The following IQCH variants were observed in gnomAD, a reference collection of about 807,000 sequenced individuals.
IQCH encodes the protein IQ domain-containing protein H.
In IQCH, 98 loss-of-function variants were observed where a neutral mutation model predicts 117.0. That is an observed-to-expected ratio of 0.84 (90% CI 0.71 to 0.99). The LOEUF (loss-of-function observed/expected upper bound fraction) is 0.99, where lower values mean the gene tolerates loss of function less well. IQCH is among the 50% of genes least tolerant of loss of function. The pLI is 0.00. For missense variants in IQCH, 1,102 were observed against 1,243.8 expected, an observed-to-expected ratio of 0.89 and a Z score of 1.72; for synonymous variants, 412 against 448.2, an observed-to-expected ratio of 0.92 and a Z score of 1.02.
chr15:67,446,339 C>G (rs2082390464), intron 16 of IQCH, among the ~76,000 whole-genome samples: 1 of 152,124 alleles, frequency 6.6e-6, no homozygotes, highest in African/African-American at 2.4e-5. Flanking sequence ...TCTGCCATGA[C>G]TCAATAGCAT....
At chr15:67,477,044 C>CTTTTTTTTTTT (rs71455553) in intron 18 of IQCH, among the ~76,000 whole-genome samples, 5 of 71,176 alleles carry the variant, frequency 7.0e-5, no homozygotes, top group East Asian at 4.4e-4. Flanking sequence ...TCTTTTTCTT[C>CTTTTTTTTTTT]TTTTTTTTTT....
intron 4 of IQCH, among the ~76,000 whole-genome samples, chr15:67,320,051 G>A (rs1049411705): frequency 2.0e-5 from 3 of 152,162 alleles, no homozygotes; most frequent in Admixed American, 6.5e-5. Context: ...GTTTGCTTAG[G>A]CATCTCTTCC....
chr15:67,384,111 A>G lies in IQCH; in HGVS notation c.1373-825A>G, dbSNP rs1400732352. On this transcript the variant is annotated intron_variant, in intron 10 of 20. Transcript: ENST00000335894. This position sits in a 1 kb window ranked among gnomAD's most constrained non-coding sequence, Gnocchi z 4.3. The stretch of plus-strand genomic sequence containing the variant: ...ATTGAAGCATCTCTTCAAAATGTGA[A>G]AAGCAATTTTAATGAAGAAAAAAAA... 6.6e-6 allele frequency among the ~76,000 whole-genome samples: 1 copy of G among 152,184 alleles called. No individual in the cohort carries two copies. The highest frequency in any genetic ancestry group is 1.9e-4 in the East Asian group (1 of 5,202).
chr15:67,456,311 T>C lies in IQCH; in HGVS notation c.2506-8816T>C, dbSNP rs909921415. 6.6e-6 allele frequency among the ~76,000 whole-genome samples: 1 copy of C among 152,196 alleles called. No individual in the cohort carries two copies. Among genetic ancestry groups the C allele is most frequent in the Non-Finnish European group, 1.5e-5 (1 of 68,040 alleles). On this transcript the variant is annotated intron_variant, in intron 16 of 20. Transcript: ENST00000335894. The surrounding 1 kb of genome is among the most constrained non-coding windows in gnomAD (Gnocchi z 5.1). ...AGAGAAACTTGGCACTCTGAAGAAA[T>C]TGATCTACTAATGCTGGCAATGAAG... is the stretch of plus-strand genomic sequence containing the variant.
intron 4 of IQCH, among the ~76,000 whole-genome samples, chr15:67,318,126 T>G (rs1392826869): frequency 6.6e-6 from 1 of 152,202 alleles, no homozygotes; most frequent in Non-Finnish European, 1.5e-5. Context: ...CCTCAGTCCC[T>G]CCACCTAGAG....
In IQCH at chr15:67,364,114, T is replaced by TG. The variant is rs1970248123; in HGVS notation, c.753+4229_753+4230insG. On this transcript the variant is annotated intron_variant, in intron 8 of 20. Transcript: ENST00000335894. The surrounding 1 kb of genome is among the most constrained non-coding windows in gnomAD (Gnocchi z 4.1). ...GGTCGAGTGGTAATTCTGTTTTAAGTTCTTTGAGAAGTCACTAAACTGCTT... is the reference window on the plus strand; with the variant it reads ...GGTCGAGTGGTAATTCTGTTTTAAGTGTCTTTGAGAAGTCACTAAACTGCTT... Among the ~76,000 whole-genome samples, 1 of 152,208 alleles carries TG rather than the reference T, an allele frequency of 6.6e-6. No homozygotes were observed. Among genetic ancestry groups the TG allele is most frequent in the Non-Finnish European group, 1.5e-5 (1 of 68,024 alleles).
intron 4 of IQCH, among the ~76,000 whole-genome samples, chr15:67,321,406 A>T (rs559708000): frequency 6.6e-6 from 1 of 151,744 alleles, no homozygotes; most frequent in African/African-American, 2.4e-5. Context: ...TTATGATCCC[A>T]TGTATGCCTT....
Position 67,381,970 on chromosome 15 carries a change from A to G in IQCH, c.1373-2966A>G, listed in dbSNP as rs1462021386. On this transcript the variant is annotated intron_variant, in intron 10 of 20. Transcript: ENST00000335894. This position sits in a 1 kb window ranked among gnomAD's most constrained non-coding sequence, Gnocchi z 5.1. The stretch of plus-strand genomic sequence containing the variant: ...CATTGCCAGCCTGGGCAACAGAGTG[A>G]TACCCTGTCAAAAAAAAAAAAAGAA... 2.2e-5 allele frequency among the ~76,000 whole-genome samples: 3 copies of G among 137,608 alleles called. No homozygotes were observed. Among genetic ancestry groups the G allele is most frequent in the Non-Finnish European group, 4.7e-5 (3 of 64,122 alleles). 90.3% of individuals were successfully genotyped at this position (137,608 alleles called of 152,430 possible).
chr15:67,496,790 T>A lies in IQCH; in HGVS notation c.2970+2424T>A, dbSNP rs4625677. Among the ~76,000 whole-genome samples the A allele has an allele frequency of 1.3e-5, 2 of 151,540 alleles. No homozygotes were observed. The highest frequency in any genetic ancestry group is 6.6e-5 in the Admixed American group (1 of 15,234). On this transcript the variant is annotated intron_variant, in intron 20 of 20. Transcript: ENST00000335894. This position sits in a 1 kb window ranked among gnomAD's most constrained non-coding sequence, Gnocchi z 4.4. ...TCCCAGCACTTTGGGAGGCCGAGGC[T>A]GGTGGATCATGAGGTCAGGAGATCG...
rs1403736872 is a variant in IQCH, at chr15:67,393,033, G to A, written c.1633-2258G>A. Among the ~76,000 whole-genome samples, 1 of 152,030 alleles carries A rather than the reference G, an allele frequency of 6.6e-6. No individual in the cohort carries two copies. Among genetic ancestry groups the A allele is most frequent in the East Asian group, 1.9e-4 (1 of 5,170 alleles). Reference sequence around the variant, plus strand: ...TGGCATTAAGTACATTCACATTGTTGTACAACCATTACCACTATCAATTTC... The same window carrying A: ...TGGCATTAAGTACATTCACATTGTTATACAACCATTACCACTATCAATTTC... On this transcript the variant is annotated intron_variant, in intron 12 of 20. Transcript: ENST00000335894. This position sits in a 1 kb window ranked among gnomAD's most constrained non-coding sequence, Gnocchi z 5.5.
intron 4 of IQCH, among the ~76,000 whole-genome samples, chr15:67,298,620 C>T (rs952941839): frequency 2.6e-5 from 4 of 152,062 alleles, no homozygotes; most frequent in South Asian, 4.1e-4. Context: ...AATTCCAGCA[C>T]GTTGGGAGGC....
At chr15:67,320,493 ATTAC>A (rs144822359) in intron 4 of IQCH, among the ~76,000 whole-genome samples, 31,760 of 152,018 alleles carry the variant, frequency 0.21, 4,007 homozygotes, top group East Asian at 0.47. Context: ...TTCTCTAGTA[ATTAC>A]TTTTCCAGAT....
At chr15:67,312,344 C>T (rs1967638859) in intron 4 of IQCH, among the ~76,000 whole-genome samples, 1 of 152,026 alleles carries the variant, frequency 6.6e-6, no homozygotes, top group Non-Finnish European at 1.5e-5. Flanking sequence ...AAACATTATT[C>T]TGAGAAGGGG....
At chr15:67,259,149 C>T (rs1342978286) in intron 1 of IQCH, among the ~76,000 whole-genome samples, 1 of 152,186 alleles carries the variant, frequency 6.6e-6, no homozygotes, top group East Asian at 1.9e-4. Context: ...ATGTGCTTAA[C>T]ACTATACAAA....
chr15:67,267,222 T>C (rs998783881), intron 3 of IQCH, among the ~76,000 whole-genome samples: 2 of 152,224 alleles, frequency 1.3e-5, no homozygotes, highest in Non-Finnish European at 2.9e-5. Context: ...TCTTATACTT[T>C]CCTCACATGA....
At chr15:67,305,066 T>C (rs1264706857) in intron 4 of IQCH, among the ~76,000 whole-genome samples, 1 of 152,080 alleles carries the variant, frequency 6.6e-6, no homozygotes, top group African/African-American at 2.4e-5. Flanking sequence ...TTAGGAGAAT[T>C]AAGAGTAGTG....
intron 13 of IQCH, among the ~76,000 whole-genome samples, chr15:67,398,228 C>T (rs956956248): frequency 1.3e-5 from 2 of 152,116 alleles, no homozygotes; most frequent in African/African-American, 4.8e-5. Flanking sequence ...CCTTTCCTTA[C>T]ACTAGCAAAA....
In IQCH at chr15:67,497,094, A is replaced by G. The variant is rs2083838877; in HGVS notation, c.2970+2728A>G. Among the ~76,000 whole-genome samples the G allele has an allele frequency of 1.3e-5, 2 of 152,046 alleles. 1 individual carries two copies. The highest frequency in any genetic ancestry group is 1.3e-4 in the Admixed American group (2 of 15,264). On this transcript the variant is annotated intron_variant, in intron 20 of 20. Coordinates refer to ENST00000335894, the MANE Select transcript of IQCH (RefSeq NM_001031715.3). ...AAGTGGCAAATTCTTGTAAATAGAA[A>G]ATCCTATGAAGCAAGAGGACTGCTT...
chr15:67,375,765 T>C (rs1364194810), intron 10 of IQCH, among the ~76,000 whole-genome samples: 2 of 150,432 alleles, frequency 1.3e-5, no homozygotes, highest in Non-Finnish European at 3.0e-5. Flanking sequence ...TATTTGTTTC[T>C]ACAATCTTTG....
Sources: allele counts gnomAD v4.1 joint callset (sites outside exome capture counted in the v4.1 genomes callset), GRCh38; gene constraint gnomAD v4.1.1; non-coding constraint Gnocchi (gnomAD v3.1); transcripts MANE v1.5; gene names NCBI Gene and HGNC (gene_info 2026-07-23, HGNC 2026-07-21).